KLC1: variants seen among roughly 807,000 people sequenced by gnomAD.
KLC1 encodes the protein kinesin light chain 1.
In KLC1, 30 loss-of-function variants were observed where a neutral mutation model predicts 84.2. The ratio of observed to expected loss-of-function variants is 0.36; its 90% CI spans 0.27 to 0.48. The LOEUF (loss-of-function observed/expected upper bound fraction) is 0.48. KLC1 is among the 20% of genes least tolerant of loss of function. KLC1 has a pLI of 0.99. For synonymous variants in KLC1, 289 were observed against 293.3 expected, an observed-to-expected ratio of 0.99 and a Z score of 0.15; for missense variants, 499 against 805.4, an observed-to-expected ratio of 0.62 and a Z score of 4.60.
intron 1 of KLC1, among the ~76,000 whole-genome samples, chr14:103,633,453 A>G (rs2151260627): frequency 6.6e-6 from 1 of 152,112 alleles, no homozygotes; most frequent in East Asian, 1.9e-4. Context: ...GTTAATTAGG[A>G]AGCCATTAAC....
Position 103,657,333 on chromosome 14 carries a change from A to AT in KLC1, c.262-211dup, listed in dbSNP as rs538166957. On this transcript the variant is annotated intron_variant, in intron 2 of 16. Coordinates refer to ENST00000334553, the MANE Select transcript of KLC1 (RefSeq NM_001394837.1). Reference sequence around the variant, plus strand: ...AAAAAATAAGTATTTTTTTGTAGGCATTCTGAGCGTGTGATATTCTTTATC... The same window carrying AT: ...AAAAAATAAGTATTTTTTTGTAGGCATTTCTGAGCGTGTGATATTCTTTATC... 3.6e-3 allele frequency among the ~76,000 whole-genome samples: 547 copies of AT among 152,308 alleles called. 3 individuals are homozygous for AT. Among genetic ancestry groups the AT allele is most frequent in the African/African-American group, 0.012 (480 of 41,568 alleles).
At chr14:103,635,753 C>G (rs914358578) in intron 1 of KLC1, among the ~76,000 whole-genome samples, 8 of 146,476 alleles carry the variant, frequency 5.5e-5, no homozygotes, top group South Asian at 2.2e-4. Context: ...ACTCCCATCT[C>G]AAAAAGAAAA....
chr14:103,652,867 A>G (rs1394106916), intron 1 of KLC1, among the ~76,000 whole-genome samples: 3 of 152,232 alleles, frequency 2.0e-5, no homozygotes, highest in African/African-American at 4.8e-5. Flanking sequence ...CTTACAGACA[A>G]CTTCCAAATT....
chr14:103,700,722 G>C lies in KLC1; in HGVS notation c.1916G>C (p.Arg639Pro). 1 of 1,597,092 alleles carries C rather than the reference G, an allele frequency of 6.3e-7. No individual in the cohort carries two copies. Among genetic ancestry groups the C allele is most frequent in the Non-Finnish European group, 8.5e-7 (1 of 1,173,028 alleles). The change falls in exon 16 of 17, where the codon CGC (arginine) becomes CCC (proline). Residue 639 changes from arginine to proline, a missense_variant. Coordinates refer to ENST00000334553, the MANE Select transcript of KLC1 (RefSeq NM_001394837.1). ...CAGCAGTGGCCTGGAAGACGCCACCGCTAACGTGAGTCCCACGGCCTGCAG... is the reference window on the plus strand; with the variant it reads ...CAGCAGTGGCCTGGAAGACGCCACCCCTAACGTGAGTCCCACGGCCTGCAG... ...QQQQWPGRRH[R>P]
intron 15 of KLC1, 40 bp downstream of exon 15, chr14:103,692,465 A>G: frequency 4.6e-6 from 7 of 1,520,564 alleles, no homozygotes; most frequent in Non-Finnish European, 6.2e-6. Flanking sequence ...GGCTGCCCAG[A>G]CCACGCTGGC....
At chr14:103,698,963 G>C (rs1298436613) in intron 15 of KLC1, 3 of 1,600,746 alleles carry the variant, frequency 1.9e-6, no homozygotes, top group Non-Finnish European at 2.6e-6. Context: ...GTCTCACCAG[G>C]AGCTGGTTAG....
At chr14:103,695,216 C>T (rs1265666629) in intron 15 of KLC1, 6 of 788,682 alleles carry the variant, frequency 7.6e-6, no homozygotes, top group Non-Finnish European at 7.7e-6. Context: ...ATAATCTTAG[C>T]ACTTTGGGAG....
At chr14:103,700,396 C>T (rs861538) in intron 15 of KLC1, 132,808 of 420,470 alleles carry the variant, frequency 0.32, 23,190 homozygotes, top group Middle Eastern at 0.39. Context: ...GCATGGCTGG[C>T]CTGGCCTCTG....
chr14:103,667,413 G>A (rs1296237143), intron 5 of KLC1, among the ~76,000 whole-genome samples: 1 of 151,674 alleles, frequency 6.6e-6, no homozygotes, highest in African/African-American at 2.4e-5. Context: ...AGCCTTGGTA[G>A]CTTATTTTTA....
intron 1 of KLC1, among the ~76,000 whole-genome samples, chr14:103,651,036 G>A (rs544558425): frequency 1.3e-5 from 2 of 151,786 alleles, no homozygotes; most frequent in South Asian, 2.1e-4. Flanking sequence ...TAGTGATGGA[G>A]TCTTGCTCTG....
Position 103,661,222 on chromosome 14 carries a change from C to T in KLC1, c.493-894C>T, listed in dbSNP as rs556839591. On this transcript the variant is annotated intron_variant, in intron 3 of 16. Transcript: ENST00000334553. ...CCTCTCCTCTGCAGCTCATACTCTC[C>T]TTTTGTTAACTGCCAACAGCATCCT... Among the ~76,000 whole-genome samples, 3 of 152,264 alleles carry T rather than the reference C, an allele frequency of 2.0e-5. No individual in the cohort carries two copies. In the East Asian group the frequency reaches 5.8e-4, roughly 29 times the overall value.
rs759859773 is a variant in KLC1 at position 103,695,635 on chromosome 14, A to T, written c.1848+3210A>T. 7.8e-5 allele frequency: 77 copies of T among 985,266 alleles called. No individual in the cohort carries two copies. In the Middle Eastern group the frequency reaches 1.5e-3, roughly 20 times the overall value. The allele number at this position is 985,266 out of a possible 1,614,324, so 61.0% of individuals were successfully genotyped here. ...GAAAAAGGGCATTTAGAAGGAATAA[A>T]CATAGGGCTGAATATGGAGTTGAAT... On this transcript the variant is annotated intron_variant, in intron 15 of 16. Transcript: ENST00000334553.
intron 1 of KLC1, among the ~76,000 whole-genome samples, chr14:103,633,717 C>T (rs551044355): frequency 6.6e-6 from 1 of 152,110 alleles, no homozygotes; most frequent in African/African-American, 2.4e-5. Flanking sequence ...TGGCCCTACT[C>T]AAGCACTTCC....
chr14:103,630,524 T>A (rs1381800044), intron 1 of KLC1, among the ~76,000 whole-genome samples: 1 of 152,198 alleles, frequency 6.6e-6, no homozygotes, highest in African/African-American at 2.4e-5. Flanking sequence ...ATTAGTTAAA[T>A]CCCAAGGCCT....
chr14:103,695,381 A>G (rs2151873613), intron 15 of KLC1: 1 of 944,498 alleles, frequency 1.1e-6, no homozygotes, highest in African/African-American at 1.8e-5. Flanking sequence ...ATATACATAT[A>G]TAATTTGATG....
intron 5 of KLC1, among the ~76,000 whole-genome samples, chr14:103,669,038 A>G (rs1379694737): frequency 6.6e-6 from 1 of 151,854 alleles, no homozygotes; most frequent in Non-Finnish European, 1.5e-5. Flanking sequence ...TCAGCCTCCC[A>G]AAGTGCTGAG....
chr14:103,693,542 T>G lies in KLC1; in HGVS notation c.1848+1117T>G. On this transcript the variant is annotated intron_variant, in intron 15 of 16. Coordinates refer to ENST00000334553, the MANE Select transcript of KLC1 (RefSeq NM_001394837.1). The surrounding 1 kb of genome is among the most constrained non-coding windows in gnomAD (Gnocchi z 5.1). ...GTTAAGTGTAATTTTTCTATTTGTT[T>G]TTTCATGCAGGAACGAAATAATTGT... is the stretch of plus-strand genomic sequence containing the variant. 1 of 1,536,058 alleles carries G rather than the reference T, an allele frequency of 6.5e-7. No homozygotes were observed. The highest frequency in any genetic ancestry group is 2.4e-5 in the East Asian group (1 of 40,912).
At chr14:103,648,018 T>C (rs1367938122) in intron 1 of KLC1, among the ~76,000 whole-genome samples, 6 of 149,654 alleles carry the variant, frequency 4.0e-5, no homozygotes, top group African/African-American at 1.2e-4. Context: ...TGGCGCGATC[T>C]CGGCTCACTG....
intron 1 of KLC1, among the ~76,000 whole-genome samples, chr14:103,644,732 TAAAAA>T (rs1203566493): frequency 2.6e-5 from 4 of 152,060 alleles, no homozygotes; most frequent in African/African-American, 4.8e-5. Flanking sequence ...TGTCTCTACT[TAAAAA>T]GAAAAGAGAA....
Sources: gnomAD v4.1 joint callset for allele counts (sites outside exome capture counted in the v4.1 genomes callset) on GRCh38, gnomAD v4.1.1 for gene constraint, Gnocchi (gnomAD v3.1) non-coding constraint, MANE v1.5 for transcripts, NCBI Gene and HGNC (gene_info 2026-07-23, HGNC 2026-07-21) for gene names.